Variants in C11orf71 observed in about 807,000 individuals in gnomAD.
The protein encoded by C11orf71 is uncharacterized protein C11orf71.
For synonymous variants in C11orf71, 72 were observed against 73.4 expected, an observed-to-expected ratio of 0.98 and a Z score of 0.09; for missense variants, 179 against 167.6, an observed-to-expected ratio of 1.07 and a Z score of -0.38.
At chr11:114,393,720 C>G (rs555495592), downstream of C11orf71, among the ~76,000 whole-genome samples, 14 of 152,198 alleles carry the variant, frequency 9.2e-5, 1 homozygote, top group South Asian at 2.7e-3. Flanking sequence ...CCATCTTTTC[C>G]TTGAAAGCAT....
chr11:114,394,209 T>TTTTC (rs752017285), downstream of C11orf71, among the ~76,000 whole-genome samples: 256 of 44,238 alleles, frequency 5.8e-3, no homozygotes, highest in Middle Eastern at 0.022. Context: ...TTTTCTTTTC[T>TTTTC]TTTCTTTTCT....
At chr11:114,394,183 C>CTT (rs767161271), downstream of C11orf71, among the ~76,000 whole-genome samples, 8 of 42,302 alleles carry the variant, frequency 1.9e-4, no homozygotes, top group South Asian at 2.3e-3. Flanking sequence ...GGTTTCGTTT[C>CTT]TTTTCTTTTC....
intron 1 of C11orf71, chr11:114,391,682 G>T: frequency 8.2e-7 from 1 of 1,220,026 alleles, no homozygotes; most frequent in Non-Finnish European, 1.2e-6. Flanking sequence ...TACACAAAAT[G>T]GATGAGTATA....
chr11:114,391,477 TTCATATAGGTAAGA>T lies in C11orf71; in HGVS notation c.*74_*87del, dbSNP rs1236167812. The T allele has an allele frequency of 7.4e-6, 5 of 671,842 alleles. No individual in the cohort carries two copies. In the Admixed American group the frequency reaches 2.1e-4, roughly 29 times the overall value. 41.6% of individuals were successfully genotyped at this position (671,842 alleles called of 1,614,324 possible). ...TTCTAGTTTTTTAATGCATATTTCA[TTCATATAGGTAAGA>T]TCATATAATACATACAATTTCATAT... On this transcript the variant is annotated 3_prime_UTR_variant, in exon 2 of 2. Transcript: ENST00000325636.
chr11:114,391,740 G>C, intron 1 of C11orf71: 1 of 581,862 alleles, frequency 1.7e-6, no homozygotes. Context: ...CCAGCAAAAG[G>C]GATTCAAATT....
At chr11:114,394,214 TTTTCTTTTCTTTTC>T (rs1272995915), downstream of C11orf71, among the ~76,000 whole-genome samples, 694 of 56,930 alleles carry the variant, frequency 0.012, 22 homozygotes, top group East Asian at 0.026. Context: ...TTTTCTTTTC[TTTTCTTTTCTTTTC>T]TTTCTTTTCT....
downstream of C11orf71, among the ~76,000 whole-genome samples, chr11:114,394,280 T>TC (rs1281815028): frequency 4.7e-4 from 40 of 84,580 alleles, 1 homozygote; most frequent in African/African-American, 2.7e-3. Flanking sequence ...TTCTTTTCTT[T>TC]TCTTTTCTCT....
chr11:114,397,682 G>T (rs114638293), downstream of C11orf71, among the ~76,000 whole-genome samples: 2,185 of 152,210 alleles, frequency 0.014, 44 homozygotes, highest in African/African-American at 0.049. Context: ...GCACTTTTGT[G>T]TACTTTTGTT....
At chr11:114,393,714 CT>C (rs754722345), downstream of C11orf71, among the ~76,000 whole-genome samples, 10 of 152,176 alleles carry the variant, frequency 6.6e-5, no homozygotes, top group Non-Finnish European at 1.3e-4. Flanking sequence ...AGAATTCCAT[CT>C]TTTCCTTGAA....
At chr11:114,394,189 TTTTC>T (rs1946097324), downstream of C11orf71, among the ~76,000 whole-genome samples, 3 of 43,688 alleles carry the variant, frequency 6.9e-5, no homozygotes, top group African/African-American at 2.8e-4. Flanking sequence ...GTTTCTTTTC[TTTTC>T]TTTTCTTTTC....
At chr11:114,394,699 C>T (rs117925360), downstream of C11orf71, among the ~76,000 whole-genome samples, 950 of 152,124 alleles carry the variant, frequency 6.2e-3, 2 homozygotes, top group Admixed American at 0.011. Flanking sequence ...TGAGCCACCA[C>T]GCCCAGCCAG....
Position 114,399,885 on chromosome 11 carries a change from T to C in C11orf71, c.*75A>G, listed in dbSNP as rs1279732404. The C allele has an allele frequency of 1.3e-6, 2 of 1,481,748 alleles. No individual in the cohort carries two copies. Among genetic ancestry groups the C allele is most frequent in the South Asian group, 1.4e-5 (1 of 71,750 alleles). 91.8% of individuals were successfully genotyped at this position (1,481,748 alleles called of 1,614,324 possible). On this transcript the variant is annotated 3_prime_UTR_variant, in exon 1 of 1. Coordinates refer to ENST00000623205, the MANE Select transcript of C11orf71 (RefSeq NM_001271562.2). ...TCCATCTAAAAATAAAACAACACGATTGCTGCTACACCAAGAAAGGATTTT... is the reference window on the plus strand; with the variant it reads ...TCCATCTAAAAATAAAACAACACGACTGCTGCTACACCAAGAAAGGATTTT...
chr11:114,396,732 T>C (rs1216337512), downstream of C11orf71, among the ~76,000 whole-genome samples: 1 of 152,100 alleles, frequency 6.6e-6, no homozygotes, highest in Non-Finnish European at 1.5e-5. Context: ...TGGTAAACTC[T>C]TCATAGAAAT....
At chr11:114,391,594 A>C (rs745615785) in exon 2 of C11orf71, 46 of 1,534,306 alleles carry the variant, frequency 3.0e-5, no homozygotes, top group Non-Finnish European at 3.8e-5. Context: ...AAAATATTTG[A>C]ATGGCTGCAT....
downstream of C11orf71, among the ~76,000 whole-genome samples, chr11:114,398,344 A>AT (rs1257963558): frequency 3.3e-5 from 5 of 151,854 alleles, no homozygotes; most frequent in African/African-American, 7.2e-5. Flanking sequence ...TACTCAAGTC[A>AT]TTTTTTTTGC....
Position 114,400,392 on chromosome 11 carries a change from C to T in C11orf71, c.-61G>A. The T allele has an allele frequency of 1.1e-5, 16 of 1,517,688 alleles. No individual in the cohort carries two copies. The highest frequency in any genetic ancestry group is 1.4e-5 in the Non-Finnish European group (16 of 1,130,358). 94.0% of individuals were successfully genotyped at this position (1,517,688 alleles called of 1,614,324 possible). ...CTTTGTGAAGGCAGGCCCTTCGCGG[C>T]TCCCCAGATCAGTCCAGCCTGTGTC... On this transcript the variant is annotated 5_prime_UTR_variant, in exon 1 of 1. Transcript: ENST00000623205.
Position 114,399,955 on chromosome 11 carries a change from T to A in C11orf71, c.*5A>T. On this transcript the variant is annotated 3_prime_UTR_variant, in exon 1 of 1. Transcript: ENST00000623205. ...CTAAGTGAGGGCCAGAGGAAAGGTG[T>A]TCGTTTAAACTGAAATTCGAGCTGC... 1 of 1,590,396 alleles carries A rather than the reference T, an allele frequency of 6.3e-7. No homozygotes were observed. Among genetic ancestry groups the A allele is most frequent in the Non-Finnish European group, 8.6e-7 (1 of 1,162,848 alleles).
downstream of C11orf71, among the ~76,000 whole-genome samples, chr11:114,394,075 G>A (rs1259256008): frequency 1.3e-5 from 2 of 151,852 alleles, no homozygotes; most frequent in Non-Finnish European, 2.9e-5. Flanking sequence ...CGCCTCCCGG[G>A]TTCACGCCAT....
At position 114,400,106 on chromosome 11, in the gene C11orf71, T is replaced by C. The variant is rs765342071; in HGVS notation, c.226A>G (p.Arg76Gly). ...CTCCGGCCCCGGCCATCTGGTTCCC[T>C]TGGGCTCCGGCCGCCACCATCCACT... The part of the protein sequence containing the change: ...RRVDGGGRSP[R>G]EPDGRGRSRQ... The change falls in exon 1 of 1, where the codon AGG (arginine) becomes GGG (glycine). Residue 76 changes from arginine (R) to glycine (G), a missense_variant. Arg to Gly is a moderately radical substitution (Grantham distance 125). Coordinates refer to ENST00000623205, the MANE Select transcript of C11orf71 (RefSeq NM_001271562.2). 4.3e-6 allele frequency: 7 copies of C among 1,613,254 alleles called. No individual in the cohort carries two copies. The highest frequency in any genetic ancestry group is 4.5e-5 in the East Asian group (2 of 44,892).
Sources: gnomAD v4.1 joint callset for allele counts (sites outside exome capture counted in the v4.1 genomes callset) on GRCh38, gnomAD v4.1.1 for gene constraint, MANE v1.5 for transcripts, NCBI Gene and HGNC (gene_info 2026-07-23, HGNC 2026-07-21) for gene names.